Variants in PTPRA observed in about 807,000 individuals in gnomAD.
PTPRA encodes the protein receptor-type tyrosine-protein phosphatase alpha.
Under a neutral mutation model 104.8 loss-of-function variants are expected in PTPRA, and 25 were observed. The ratio of observed to expected loss-of-function variants is 0.24; its 90% CI spans 0.17 to 0.33. PTPRA has a LOEUF of 0.33. Among genes scored for constraint, PTPRA ranks in the 10% least tolerant of loss-of-function variants. PTPRA has a pLI of 1.00. For synonymous variants in PTPRA, 323 were observed against 368.9 expected (o/e 0.88, Z 1.43); for missense variants, 765 against 1,015.3 (o/e 0.75, Z 3.35).
At chr20:2,914,438 T>C (rs1291295981) in intron 1 of PTPRA, among the ~76,000 whole-genome samples, 1 of 143,386 alleles carries the variant, frequency 7.0e-6, no homozygotes, top group East Asian at 2.0e-4. Flanking sequence ...TTTTTTTATT[T>C]CTTGCTCTGT....
chr20:2,873,464 G>GCCGAACAGCCAA (rs1226294281), upstream of PTPRA: 1 of 152,104 alleles, frequency 6.6e-6, no homozygotes, highest in Non-Finnish European at 1.5e-5. The surrounding 1 kb of genome is among the most constrained non-coding windows in gnomAD (Gnocchi z 4.4). Flanking sequence ...ATGAACACGC[G>GCCGAACAGCCAA]TCTTACAGCC....
intron 3 of PTPRA, among the ~76,000 whole-genome samples, chr20:2,948,351 C>T (rs1225479808): frequency 3.3e-5 from 5 of 152,228 alleles, no homozygotes; most frequent in Admixed American, 3.3e-4. Context: ...GGGTTTTAGC[C>T]ACTTAAGTTT....
intron 6 of PTPRA, among the ~76,000 whole-genome samples, chr20:2,976,513 A>T (rs576401132): frequency 1.3e-5 from 2 of 152,356 alleles, no homozygotes; most frequent in East Asian, 3.9e-4. Context: ...CAAAATTACC[A>T]TAATTACCTA....
At chr20:3,027,072 G>A (rs748682791) in intron 18 of PTPRA, 49 bp from the exon 19 acceptor site, 2 of 1,581,750 alleles carry the variant, frequency 1.3e-6, no homozygotes, top group Non-Finnish European at 1.7e-6. Context: ...CAAGGAGAGG[G>A]AGAGGACAAA....
chr20:3,012,056 G>C (rs1377492987), intron 11 of PTPRA, among the ~76,000 whole-genome samples: 1 of 152,238 alleles, frequency 6.6e-6, no homozygotes, highest in Non-Finnish European at 1.5e-5. Context: ...AGCTGCTAGG[G>C]AGTCTGGGAA....
intron 1 of PTPRA, among the ~76,000 whole-genome samples, chr20:2,884,812 G>GTTTTTTT (rs34457101): frequency 7.9e-6 from 1 of 127,024 alleles, no homozygotes. Context: ...TGTTTTTTTT[G>GTTTTTTT]TTTTTTTTTT....
rs148953209 is a variant in PTPRA at position 2,967,346 on chromosome 20, G to A, written c.415+2144G>A. Among the ~76,000 whole-genome samples, 729 of 152,170 alleles carry A rather than the reference G, an allele frequency of 4.8e-3. 7 individuals are homozygous for A. The highest frequency in any genetic ancestry group is 8.1e-3 in the Non-Finnish European group (553 of 68,016). ...GAGTAAAACACAAGAAACCATTATC[G>A]CACATGGGAATTTCATAGTCTTAAA... is the stretch of plus-strand genomic sequence containing the variant. On this transcript the variant is annotated intron_variant, in intron 5 of 23. Coordinates refer to ENST00000399903, the MANE Select transcript of PTPRA (RefSeq NM_001385305.1).
chr20:2,962,602 A>G (rs1242077280), intron 3 of PTPRA, among the ~76,000 whole-genome samples: 2 of 152,120 alleles, frequency 1.3e-5, no homozygotes, highest in African/African-American at 4.8e-5. Flanking sequence ...CCAATTTTGG[A>G]TTAGGCTCAG....
At chr20:2,937,064 C>CTTAA (rs1205472247) in intron 2 of PTPRA, among the ~76,000 whole-genome samples, 1 of 151,122 alleles carries the variant, frequency 6.6e-6, no homozygotes, top group African/African-American at 2.4e-5. Context: ...TTTTTACCAC[C>CTTAA]TTAAGTAGAA....
chr20:3,011,468 G>A (rs1204278251), intron 11 of PTPRA, among the ~76,000 whole-genome samples: 1 of 152,212 alleles, frequency 6.6e-6, no homozygotes, highest in Non-Finnish European at 1.5e-5. Flanking sequence ...GCCAGGTTCT[G>A]TGGAGTTATG....
intron 1 of PTPRA, among the ~76,000 whole-genome samples, chr20:2,907,542 A>C (rs977757741): frequency 6.6e-6 from 1 of 152,226 alleles, no homozygotes; most frequent in South Asian, 2.1e-4. Flanking sequence ...TTCACGTTTT[A>C]TAAATCACCC....
At chr20:2,931,514 C>T (rs1209954638) in intron 2 of PTPRA, among the ~76,000 whole-genome samples, 1 of 152,092 alleles carries the variant, frequency 6.6e-6, no homozygotes, top group Non-Finnish European at 1.5e-5. Context: ...AATCAAAACC[C>T]TTTGTTTTGA....
At chr20:2,901,410 G>C (rs2059232651) in intron 1 of PTPRA, among the ~76,000 whole-genome samples, 1 of 152,228 alleles carries the variant, frequency 6.6e-6, no homozygotes, top group African/African-American at 2.4e-5. Context: ...TGTATTTTTA[G>C]TTCCTTTGAA....
At chr20:3,027,090 G>A in intron 18 of PTPRA, 31 bp from the exon 19 acceptor site, 1 of 1,605,988 alleles carries the variant, frequency 6.2e-7, no homozygotes, top group Non-Finnish European at 8.5e-7. Context: ...AAATGATATT[G>A]GCTAGCCATA....
In PTPRA at chr20:3,027,761, A is replaced by G. The variant is rs774971415; in HGVS notation, c.1840A>G (p.Ile614Val). The change falls in exon 20 of 24, where the codon ATT becomes GTT. Residue 614 changes from isoleucine (I) to valine (V), a missense_variant. Around this residue, in one of 4 missense-constraint regions of PTPRA, gnomAD observed 192 missense variants for 227.0 expected, o/e 0.85. Transcript: ENST00000399903. ...IASQGPLLHT[I>V]EDFWRMIWEW... The stretch of plus-strand genomic sequence containing the variant: ...CAGCCAGGGCCCTCTTCTCCACACA[A>G]TTGAGGACTTCTGGCGAATGATCTG... The G allele has an allele frequency of 7.3e-5, 118 of 1,614,066 alleles. 3 individuals are homozygous for G. The Middle Eastern group carries it at 3.0e-3, about 41-fold the overall frequency.
At chr20:3,024,948 AT>A (rs1488583306) in intron 17 of PTPRA, among the ~76,000 whole-genome samples, 1 of 152,234 alleles carries the variant, frequency 6.6e-6, no homozygotes, top group African/African-American at 2.4e-5. Flanking sequence ...CATGGTTTCT[AT>A]CCAGCTACTT....
chr20:2,930,692 G>T (rs777299289), intron 2 of PTPRA, among the ~76,000 whole-genome samples: 8 of 152,012 alleles, frequency 5.3e-5, no homozygotes, highest in Admixed American at 1.3e-4. Context: ...GTTTTCACAT[G>T]ATTATCTTCT....
intron 1 of PTPRA, among the ~76,000 whole-genome samples, chr20:2,891,306 C>A (rs533588684): frequency 3.9e-4 from 60 of 152,330 alleles, no homozygotes; most frequent in African/African-American, 1.3e-3. Flanking sequence ...TCTTTAACTT[C>A]CCAACTTTAG....
intron 1 of PTPRA, among the ~76,000 whole-genome samples, chr20:2,907,702 AGTT>A (rs1459975222): frequency 1.3e-5 from 2 of 152,140 alleles, no homozygotes; most frequent in Admixed American, 1.3e-4. Flanking sequence ...CTAATTCTTC[AGTT>A]GTTTTAAACT....
Sources: allele counts gnomAD v4.1 joint callset (sites outside exome capture counted in the v4.1 genomes callset), GRCh38; gene constraint gnomAD v4.1.1; regional missense constraint gnomAD v4.1.1; non-coding constraint Gnocchi (gnomAD v3.1); transcripts MANE v1.5; gene names NCBI Gene and HGNC (gene_info 2026-07-23, HGNC 2026-07-21).